The following PCDHA1 variants were observed in gnomAD, a reference collection of about 807,000 sequenced individuals.
PCDHA1 encodes the protein protocadherin alpha 1, also known as protocadherin alpha-1.
A neutral mutation model predicts 61.3 loss-of-function variants in PCDHA1; 42 were observed. The ratio of observed to expected loss-of-function variants is 0.69; its 90% confidence interval spans 0.54 to 0.89. The LOEUF (loss-of-function observed/expected upper bound fraction) is 0.89. Among genes scored for constraint, PCDHA1 ranks in the 40% least tolerant of loss-of-function variants. The pLI is 0.00. For synonymous variants in PCDHA1, 610 were observed against 553.8 expected, an observed-to-expected ratio of 1.10 and a Z score of -1.43; for missense variants, 1,256 against 1,235.3, an observed-to-expected ratio of 1.02 and a Z score of -0.25.
chr5:140,827,868 ACT>A (rs1769434817), intron 1 of PCDHA1: 2 of 620,094 alleles, frequency 3.2e-6, no homozygotes, highest in Non-Finnish European at 2.8e-6. Context: ...ATGGTATAGC[ACT>A]GTTACGTGAA....
chr5:140,941,619 C>T (rs1300512502), intron 1 of PCDHA1, among the ~76,000 whole-genome samples: 1 of 151,848 alleles, frequency 6.6e-6, no homozygotes, highest in African/African-American at 2.4e-5. Flanking sequence ...CCAGCCCATC[C>T]TGCTTCTTAA....
chr5:140,871,354 C>A, intron 1 of PCDHA1: 1 of 1,614,210 alleles, frequency 6.2e-7, no homozygotes, highest in Non-Finnish European at 8.5e-7. Flanking sequence ...GTCATACTCG[C>A]AGCAGAGGCG....
chr5:140,804,029 C>A, intron 1 of PCDHA1: 1 of 194,462 alleles, frequency 5.1e-6, no homozygotes, highest in Non-Finnish European at 1.0e-5. Flanking sequence ...ATGAGTTCAC[C>A]TAATGCTTAT....
intron 1 of PCDHA1, chr5:140,806,976 G>C: frequency 1.6e-6 from 1 of 628,622 alleles, no homozygotes; most frequent in South Asian, 2.1e-5. Flanking sequence ...GCTACTTACG[G>C]TTTGGAGCCA....
chr5:140,882,788 C>T, intron 1 of PCDHA1: 1 of 1,614,216 alleles, frequency 6.2e-7, no homozygotes, highest in East Asian at 2.2e-5. Context: ...CCGACTGGAT[C>T]CCAACGATTA....
intron 1 of PCDHA1, chr5:140,855,934 G>A (rs1581379026): frequency 1.5e-6 from 2 of 1,294,846 alleles, no homozygotes; most frequent in South Asian, 1.5e-5. Flanking sequence ...GCGTCATTCT[G>A]AGATCTCAGC....
intron 1 of PCDHA1, chr5:140,927,642 T>A: frequency 6.2e-7 from 1 of 1,614,156 alleles, no homozygotes; most frequent in Non-Finnish European, 8.5e-7. Flanking sequence ...CCAATGGGAC[T>A]GTGTTATTCC....
At chr5:140,878,110 A>T in intron 1 of PCDHA1, 1 of 249,264 alleles carries the variant, frequency 4.0e-6, no homozygotes, top group South Asian at 1.2e-4. Context: ...CTTGAAAAAA[A>T]CAGTATATTA....
At chr5:141,006,299 C>T (rs2098266808) in intron 3 of PCDHA1, among the ~76,000 whole-genome samples, 1 of 152,064 alleles carries the variant, frequency 6.6e-6, no homozygotes, top group Non-Finnish European at 1.5e-5. Flanking sequence ...GCAAGCTCCA[C>T]TTCCCGGGTT....
intron 1 of PCDHA1, among the ~76,000 whole-genome samples, chr5:140,897,653 G>A (rs1446334429): frequency 1.3e-5 from 2 of 152,100 alleles, no homozygotes; most frequent in Non-Finnish European, 2.9e-5. Flanking sequence ...AAACATACGT[G>A]TGCATGTGTC....
At chr5:140,974,372 G>A (rs782769705) in intron 1 of PCDHA1, among the ~76,000 whole-genome samples, 28 of 152,076 alleles carry the variant, frequency 1.8e-4, no homozygotes, top group Non-Finnish European at 4.0e-4. Flanking sequence ...AGCACTTTCT[G>A]TTGTACTGGA....
At chr5:140,900,695 C>T (rs889860103) in intron 1 of PCDHA1, among the ~76,000 whole-genome samples, 4 of 152,170 alleles carry the variant, frequency 2.6e-5, no homozygotes, top group Non-Finnish European at 5.9e-5. Context: ...TACTGATTTC[C>T]GTTCTTTTGG....
chr5:140,994,229 A>G (rs1488908759), intron 3 of PCDHA1, among the ~76,000 whole-genome samples: 3 of 152,188 alleles, frequency 2.0e-5, no homozygotes, highest in African/African-American at 7.2e-5. Flanking sequence ...TGTCTATGTT[A>G]TAATCAATTC....
intron 1 of PCDHA1, among the ~76,000 whole-genome samples, chr5:140,837,787 C>T (rs1177845045): frequency 3.3e-5 from 5 of 151,766 alleles, no homozygotes; most frequent in Non-Finnish European, 7.4e-5. Context: ...CAGGATCCTC[C>T]CATCTCAGCC....
At position 140,858,141 on chromosome 5, in the gene PCDHA1, T is replaced by C. The variant is rs1247420166; in HGVS notation, c.2394+69457T>C. 4 of 1,597,496 alleles carry C rather than the reference T, an allele frequency of 2.5e-6. No individual in the cohort carries two copies. The African/African-American group carries it at 5.4e-5, about 21-fold the overall frequency. ...GCCCTGGTGGATGTCAACGTGTACC[T>C]GATCATCGCCATCTGCGCGGTGTCC... On this transcript the variant is annotated intron_variant, in intron 1 of 3. Transcript: ENST00000504120.
At chr5:140,991,417 C>G (rs782178829) in intron 3 of PCDHA1, among the ~76,000 whole-genome samples, 79 of 152,196 alleles carry the variant, frequency 5.2e-4, no homozygotes, top group Admixed American at 1.5e-3. Context: ...TATGCTATAA[C>G]AAATTAACCA....
chr5:140,788,009 T>TA lies in PCDHA1; in HGVS notation c.1720dup (p.Ile574AsnfsTer6). 2 of 1,613,972 alleles carry TA rather than the reference T, an allele frequency of 1.2e-6. No homozygotes were observed. Among genetic ancestry groups the TA allele is most frequent in the Non-Finnish European group, 1.7e-6 (2 of 1,179,902 alleles). ...TGCTGGCGCCTCGAGTGGGTGGCAC[T>TA]ATTGGTGCAGTCAGTGAGCTGGTGC... On this transcript the variant is annotated frameshift_variant, in exon 1 of 4. Transcript: ENST00000504120. LOFTEE classifies it high-confidence loss of function.
intron 1 of PCDHA1, chr5:140,824,018 C>T (rs2150131575): frequency 6.2e-7 from 1 of 1,613,994 alleles, no homozygotes; most frequent in African/African-American, 1.3e-5. Context: ...GGGAGCTGGT[C>T]GTACTCGCAG....
At chr5:140,915,581 A>G (rs1563006188) in intron 1 of PCDHA1, among the ~76,000 whole-genome samples, 1 of 151,994 alleles carries the variant, frequency 6.6e-6, no homozygotes, top group Non-Finnish European at 1.5e-5. Flanking sequence ...GCCAGGCAAA[A>G]GCACTTGTTC....
Sources: gnomAD v4.1 joint callset for allele counts (sites outside exome capture counted in the v4.1 genomes callset) on GRCh38, gnomAD v4.1.1 for gene constraint, MANE v1.5 for transcripts, NCBI Gene and HGNC (gene_info 2026-07-23, HGNC 2026-07-21) for gene names.